Variants in ERLIN1 observed in about 807,000 individuals in gnomAD.
The protein encoded by ERLIN1 is ER lipid raft associated 1, also known as erlin-1.
ERLIN1 carries 24 observed loss-of-function variants against 46.9 expected under a neutral mutation model. The observed-to-expected ratio is 0.51, with a 90% CI of 0.37 to 0.72. The LOEUF (loss-of-function observed/expected upper bound fraction) is 0.72. Ranked by LOEUF, ERLIN1 falls within the 30% of genes least tolerant of loss-of-function variation. The pLI is 0.00. For missense variants in ERLIN1, 293 were observed against 417.9 expected, an observed-to-expected ratio of 0.70 and a Z score of 2.61; for synonymous variants, 158 against 143.2, an observed-to-expected ratio of 1.10 and a Z score of -0.74.
Position 100,154,848 on chromosome 10 carries a change from G to A in ERLIN1, c.825+12C>T. ...AATGCATCATTAGGAAAGTGGCCAGGGAGCCAGTCACCTTGTTTGAGGTGG... is the reference window on the plus strand; with the variant it reads ...AATGCATCATTAGGAAAGTGGCCAGAGAGCCAGTCACCTTGTTTGAGGTGG... On this transcript the variant is annotated intron_variant, in intron 10 of 10. Coordinates refer to ENST00000421367, the MANE Select transcript of ERLIN1 (RefSeq NM_006459.4). 3 of 1,611,436 alleles carry A rather than the reference G, an allele frequency of 1.9e-6. No homozygotes were observed. Among genetic ancestry groups the A allele is most frequent in the Non-Finnish European group, 2.5e-6 (3 of 1,177,632 alleles).
At chr10:100,184,179 T>G (rs540808674) in intron 1 of ERLIN1, among the ~76,000 whole-genome samples, 1 of 152,310 alleles carries the variant, frequency 6.6e-6, no homozygotes, top group Admixed American at 6.5e-5. Context: ...AGAGGTACAT[T>G]AATAGTACAT....
intron 2 of ERLIN1, 101 bp from the exon 3 acceptor site, chr10:100,179,348 A>G (rs1844499619): frequency 1.4e-6 from 1 of 700,942 alleles, no homozygotes; most frequent in Admixed American, 2.5e-5. Context: ...CAGTAAGTAC[A>G]GCAGAGATCC....
intron 6 of ERLIN1, among the ~76,000 whole-genome samples, chr10:100,171,452 A>G (rs1349560857): frequency 6.6e-6 from 1 of 152,160 alleles, no homozygotes; most frequent in Non-Finnish European, 1.5e-5. Flanking sequence ...TCTGTTGCCC[A>G]GACAAGAGTA....
chr10:100,153,445 C>G (rs1017407000), intron 10 of ERLIN1, among the ~76,000 whole-genome samples: 1 of 152,214 alleles, frequency 6.6e-6, no homozygotes, highest in African/African-American at 2.4e-5. Flanking sequence ...GTAACATATG[C>G]CTTTCAAAGC....
At chr10:100,178,972 C>T (rs528984061) in intron 3 of ERLIN1, among the ~76,000 whole-genome samples, 4 of 152,366 alleles carry the variant, frequency 2.6e-5, no homozygotes, top group East Asian at 1.9e-4. Flanking sequence ...GTTAGGTCTA[C>T]TTGCTCTAAA....
At chr10:100,168,680 C>CTT (rs200700163) in intron 6 of ERLIN1, among the ~76,000 whole-genome samples, 6,775 of 138,310 alleles carry the variant, frequency 0.049, 559 homozygotes, top group African/African-American at 0.17. Context: ...TAAAGTAGGA[C>CTT]TTTTTTTTTT....
At chr10:100,176,559 G>A (rs946758007) in intron 4 of ERLIN1, among the ~76,000 whole-genome samples, 2 of 130,858 alleles carry the variant, frequency 1.5e-5, no homozygotes, top group Admixed American at 7.4e-5. Context: ...GCAAAAGACC[G>A]TTTTTAAAAA....
chr10:100,167,427 A>C (rs747463145), intron 6 of ERLIN1, 21 bp from the exon 7 acceptor site: 1 of 1,596,774 alleles, frequency 6.3e-7, no homozygotes, highest in South Asian at 1.1e-5. Flanking sequence ...AAAGTGAAAA[A>C]GCCAAAGTAT....
intron 7 of ERLIN1, among the ~76,000 whole-genome samples, chr10:100,166,964 C>T (rs898368752): frequency 6.6e-6 from 1 of 152,162 alleles, no homozygotes; most frequent in African/African-American, 2.4e-5. Flanking sequence ...GGTATCTATT[C>T]CTACCATTAC....
In ERLIN1 at chr10:100,174,195, G is replaced by A. The variant is rs1474417603; in HGVS notation, c.504+13C>T. 74 of 1,538,402 alleles carry A rather than the reference G, an allele frequency of 4.8e-5. No individual in the cohort carries two copies. Among genetic ancestry groups the A allele is most frequent in the Non-Finnish European group, 6.4e-5 (72 of 1,132,224 alleles). The stretch of plus-strand genomic sequence containing the variant: ...CAAAATCCCCAGAGAACTTCCCTAG[G>A]AAAAGAACTTACCTGTATAGTGAGA... On this transcript the variant is annotated intron_variant, in intron 6 of 10. Coordinates refer to ENST00000421367, the MANE Select transcript of ERLIN1 (RefSeq NM_006459.4).
chr10:100,158,893 AAAAAT>A (rs763802176), intron 8 of ERLIN1, among the ~76,000 whole-genome samples: 1 of 152,200 alleles, frequency 6.6e-6, no homozygotes, highest in Non-Finnish European at 1.5e-5. Flanking sequence ...AGAAGCAGAG[AAAAAT>A]GCATGGTAAA....
chr10:100,171,679 G>A (rs897862086), intron 6 of ERLIN1, among the ~76,000 whole-genome samples: 4 of 152,142 alleles, frequency 2.6e-5, no homozygotes, highest in African/African-American at 9.7e-5. Flanking sequence ...CTAAAGTGGT[G>A]GGATTACAGA....
At chr10:100,181,266 A>C (rs1414658418) in intron 2 of ERLIN1, among the ~76,000 whole-genome samples, 5 of 152,204 alleles carry the variant, frequency 3.3e-5, no homozygotes, top group Non-Finnish European at 2.9e-5. Context: ...CCTCTTAAAA[A>C]TTACTTTCCC....
intron 8 of ERLIN1, among the ~76,000 whole-genome samples, chr10:100,159,633 C>A (rs1357287089): frequency 1.3e-5 from 2 of 151,972 alleles, no homozygotes; most frequent in Admixed American, 6.6e-5. Flanking sequence ...CCCTCAAAAC[C>A]CACTAAACCA....
At chr10:100,176,186 A>C in intron 4 of ERLIN1, 116 bp from the exon 5 acceptor site, 2 of 858,176 alleles carry the variant, frequency 2.3e-6, no homozygotes, top group East Asian at 5.7e-5. Context: ...GTGCCAACAA[A>C]ATAGTGAAAC....
intron 7 of ERLIN1, among the ~76,000 whole-genome samples, chr10:100,165,546 C>T (rs969222162): frequency 2.0e-5 from 3 of 151,942 alleles, no homozygotes; most frequent in African/African-American, 7.3e-5. Context: ...ACCACCATGC[C>T]TGGCTAATTT....
At chr10:100,164,731 C>T (rs909241538) in intron 7 of ERLIN1, among the ~76,000 whole-genome samples, 2 of 152,080 alleles carry the variant, frequency 1.3e-5, no homozygotes, top group African/African-American at 4.8e-5. Flanking sequence ...TTTTTGAGAG[C>T]CCACATTATG....
intron 6 of ERLIN1, among the ~76,000 whole-genome samples, chr10:100,171,056 G>A (rs998374426): frequency 3.9e-5 from 6 of 152,194 alleles, no homozygotes; most frequent in Admixed American, 2.6e-4. Flanking sequence ...GGTTGCAGAT[G>A]AATTAAAAGA....
Position 100,185,765 on chromosome 10 carries a change from C to T in ERLIN1, c.-139G>A. 2 of 665,770 alleles carry T rather than the reference C, an allele frequency of 3.0e-6. No individual in the cohort carries two copies. The highest frequency in any genetic ancestry group is 5.4e-6 in the Non-Finnish European group (2 of 372,702). 41.2% of individuals were successfully genotyped at this position (665,770 alleles called of 1,614,324 possible). Reference sequence around the variant, plus strand: ...AGCCGGGGAGTCCAGTACCCCTGTCCCCTCATTCTTCCCTTCTGGCTGAGC... The same window carrying T: ...AGCCGGGGAGTCCAGTACCCCTGTCTCCTCATTCTTCCCTTCTGGCTGAGC... On this transcript the variant is annotated 5_prime_UTR_variant, in exon 1 of 11. Transcript: ENST00000421367.
Sources: allele counts gnomAD v4.1 joint callset (sites outside exome capture counted in the v4.1 genomes callset), GRCh38; gene constraint gnomAD v4.1.1; transcripts MANE v1.5; gene names NCBI Gene and HGNC (gene_info 2026-07-23, HGNC 2026-07-21).